The following LATS2 variants were observed in gnomAD, a reference collection of about 807,000 sequenced individuals.
The protein encoded by LATS2 is large tumor suppressor kinase 2.
A neutral mutation model predicts 76.0 loss-of-function variants in LATS2; 24 were observed. The observed-to-expected ratio is 0.32, with a 90% CI of 0.23 to 0.44. The LOEUF is 0.44. Among genes scored for constraint, LATS2 ranks in the 20% least tolerant of loss-of-function variants. The pLI, the probability that LATS2 is intolerant of heterozygous loss-of-function variation, is 1.00. For missense variants in LATS2, 1,286 were observed against 1,481.2 expected, an observed-to-expected ratio of 0.87 and a Z score of 2.16; for synonymous variants, 692 against 635.4, an observed-to-expected ratio of 1.09 and a Z score of -1.34.
In LATS2 at chr13:20,987,882, T is replaced by C; in HGVS notation, c.1898A>G (p.Lys633Arg). 1.2e-6 allele frequency: 2 copies of C among 1,611,418 alleles called. No homozygotes were observed. The highest frequency in any genetic ancestry group is 1.7e-6 in the Non-Finnish European group (2 of 1,178,154). ...AGTAAAAATGAAGTGTGAAATTACT[T>C]TGGCCATTTCTTGCTCCAGCTGCAG... Reference protein sequence around the residue: ...RRLQLEQEMAKAGLCEAEQEQ... With the variant: ...RRLQLEQEMARAGLCEAEQEQ... The change falls in exon 4 of 8, where the codon AAA (lysine) becomes AGA (arginine). Residue 633 changes from lysine to arginine, a missense_variant and splice_region_variant. Lys to Arg is a conservative substitution (Grantham distance 26). Coordinates refer to ENST00000382592, the MANE Select transcript of LATS2 (RefSeq NM_014572.3).
chr13:21,013,061 GCT>G (rs760484600), intron 2 of LATS2, among the ~76,000 whole-genome samples: 37 of 152,246 alleles, frequency 2.4e-4, no homozygotes, highest in Non-Finnish European at 4.3e-4. Context: ...GCAGTGTAAG[GCT>G]CTGTTCTAAG....
intron 2 of LATS2, among the ~76,000 whole-genome samples, chr13:21,014,720 A>T (rs1001685993): frequency 1.3e-5 from 2 of 152,240 alleles, no homozygotes; most frequent in African/African-American, 2.4e-5. Flanking sequence ...CAACAAAAAT[A>T]AACATCACAG....
chr13:21,011,194 T>C (rs1010973565), intron 2 of LATS2, among the ~76,000 whole-genome samples: 2 of 152,240 alleles, frequency 1.3e-5, no homozygotes, highest in African/African-American at 4.8e-5. Flanking sequence ...CTCTCATCTC[T>C]TTCTTGGCAG....
intron 2 of LATS2, among the ~76,000 whole-genome samples, chr13:21,038,260 G>A (rs1272310964): frequency 1.3e-5 from 2 of 152,084 alleles, no homozygotes; most frequent in Non-Finnish European, 1.5e-5. Flanking sequence ...AGGTGCTTCC[G>A]AGGAGAACTG....
intron 2 of LATS2, among the ~76,000 whole-genome samples, chr13:21,006,588 C>T (rs752636706): frequency 3.9e-5 from 6 of 152,194 alleles, no homozygotes; most frequent in Non-Finnish European, 8.8e-5. Context: ...GGCTCCAAGC[C>T]ACTCCTGGCT....
intron 2 of LATS2, among the ~76,000 whole-genome samples, chr13:21,020,104 T>C (rs904543148): frequency 2.0e-5 from 3 of 151,996 alleles, no homozygotes; most frequent in Admixed American, 6.6e-5. Context: ...TGGATGTACA[T>C]CCTTTCCTTT....
At position 20,974,390 on chromosome 13, in the gene LATS2, A is replaced by C. The variant is rs1242252367; in HGVS notation, c.*480T>G. 4.4e-6 allele frequency: 1 copy of C among 228,568 alleles called. No individual in the cohort carries two copies. The highest frequency in any genetic ancestry group is 8.7e-6 in the Non-Finnish European group (1 of 115,448). The allele number at this position is 228,568 out of a possible 1,614,324, so 14.2% of individuals were successfully genotyped here. A position where few individuals can be genotyped will look rare whatever the true frequency, so the allele number is the denominator to read the frequency against. ...AAAAACAAAAACCATTGTGTGGATA[A>C]AATGGTCTCCGTGACATTGAGCAGA... On this transcript the variant is annotated 3_prime_UTR_variant, in exon 8 of 8. Transcript: ENST00000382592.
intron 1 of LATS2, among the ~76,000 whole-genome samples, chr13:21,060,730 C>A (rs1339002277): frequency 1.3e-5 from 2 of 151,436 alleles, no homozygotes; most frequent in African/African-American, 4.8e-5. Context: ...GGTCCGTCGG[C>A]TCGCGGGACG....
intron 2 of LATS2, among the ~76,000 whole-genome samples, chr13:21,012,638 C>T (rs1218018660): frequency 2.0e-5 from 3 of 152,136 alleles, no homozygotes; most frequent in Non-Finnish European, 4.4e-5. Context: ...AAATGCTATT[C>T]ATGGCTTTGT....
intron 2 of LATS2, among the ~76,000 whole-genome samples, chr13:20,998,043 T>C (rs1187396540): frequency 6.6e-6 from 1 of 152,204 alleles, no homozygotes; most frequent in Non-Finnish European, 1.5e-5. Flanking sequence ...TGGGCCTCTG[T>C]CTGTGTCTGC....
At chr13:20,990,890 G>T (rs1317986135) in intron 3 of LATS2, among the ~76,000 whole-genome samples, 2 of 152,224 alleles carry the variant, frequency 1.3e-5, no homozygotes, top group Non-Finnish European at 2.9e-5. Context: ...ATTGAGGAAA[G>T]AAGCCACCCT....
rs1235492948 is a variant in LATS2 at position 20,973,969 on chromosome 13, G to GC, written c.*900_*901insG. 1.2e-5 allele frequency: 2 copies of GC among 162,954 alleles called. No individual in the cohort carries two copies. The highest frequency in any genetic ancestry group is 8.5e-5 in the Admixed American group (1 of 11,718). 10.1% of individuals were successfully genotyped at this position (162,954 alleles called of 1,614,324 possible). On this transcript the variant is annotated 3_prime_UTR_variant, in exon 8 of 8. Transcript: ENST00000382592. ...AGTTCAGTATATGACAAATGTTTCA[G>GC]TTCCCCCCCCCCAAAGAATCCAATC... is the stretch of plus-strand genomic sequence containing the variant.
At chr13:20,993,013 C>T (rs577407185) in intron 2 of LATS2, among the ~76,000 whole-genome samples, 193 of 123,688 alleles carry the variant, frequency 1.6e-3, no homozygotes, top group Admixed American at 4.6e-3. Flanking sequence ...TCCAGCCTGG[C>T]GACAAAGTGT....
intron 1 of LATS2, among the ~76,000 whole-genome samples, chr13:21,057,266 G>GATTTTTTC (rs1399711257): frequency 3.9e-5 from 6 of 152,070 alleles, no homozygotes; most frequent in Non-Finnish European, 7.4e-5. Flanking sequence ...CAAAATATGG[G>GATTTTTTC]ATTTTTTCAT....
At chr13:21,045,110 G>A (rs1309661936) in intron 2 of LATS2, among the ~76,000 whole-genome samples, 1 of 141,770 alleles carries the variant, frequency 7.1e-6, no homozygotes, top group African/African-American at 2.5e-5. Flanking sequence ...GTGAGACTGT[G>A]TTGCCACAAT....
intron 3 of LATS2, 57 bp from the exon 4 acceptor site, chr13:20,989,361 G>A (rs1870409135): frequency 1.9e-6 from 3 of 1,578,614 alleles, no homozygotes; most frequent in East Asian, 4.5e-5. Context: ...GTGGGTTCTG[G>A]CACTTCCAGG....
intron 1 of LATS2, among the ~76,000 whole-genome samples, chr13:21,052,332 G>C (rs1873298087): frequency 6.6e-6 from 1 of 152,152 alleles, no homozygotes; most frequent in Admixed American, 6.5e-5. Flanking sequence ...CAGGTTGCTT[G>C]CTCCAAGTGA....
At chr13:20,997,804 G>A (rs1019667341) in intron 2 of LATS2, among the ~76,000 whole-genome samples, 2 of 152,238 alleles carry the variant, frequency 1.3e-5, no homozygotes, top group Non-Finnish European at 2.9e-5. Flanking sequence ...CTAAGCAGCA[G>A]AAGTATTTCA....
At chr13:21,036,788 A>G (rs967784756) in intron 2 of LATS2, among the ~76,000 whole-genome samples, 2 of 151,836 alleles carry the variant, frequency 1.3e-5, no homozygotes, top group Admixed American at 1.3e-4. Context: ...AACAACAACA[A>G]CAACAAAAAA....
Sources: gnomAD v4.1 joint callset for allele counts (sites outside exome capture counted in the v4.1 genomes callset) on GRCh38, gnomAD v4.1.1 for gene constraint, MANE v1.5 for transcripts, NCBI Gene and HGNC (gene_info 2026-07-23, HGNC 2026-07-21) for gene names.